Variants in LTBP1 observed in about 807,000 individuals in gnomAD.
The protein encoded by LTBP1 is latent transforming growth factor beta binding protein 1.
Under a neutral mutation model 207.6 loss-of-function variants are expected in LTBP1, and 129 were observed. That is an observed-to-expected ratio of 0.62 (90% CI 0.54 to 0.72). LTBP1 has a LOEUF of 0.72. LTBP1 is among the 30% of genes least tolerant of loss of function. The probability of loss-of-function intolerance (pLI) is 0.00; values close to 1 mark genes in which losing one functional copy is unlikely to be tolerated. For missense variants in LTBP1, 2,281 were observed against 2,217.2 expected, an observed-to-expected ratio of 1.03 and a Z score of -0.58; for synonymous variants, 963 against 833.7, an observed-to-expected ratio of 1.16 and a Z score of -2.67.
chr2:33,018,150 A>G (rs1056431425), intron 2 of LTBP1, among the ~76,000 whole-genome samples: 16 of 149,698 alleles, frequency 1.1e-4, no homozygotes, highest in Non-Finnish European at 1.8e-4. Context: ...TGTAAGTTCA[A>G]AGTTTTTTTT....
chr2:33,171,967 T>C (rs2085500585), intron 5 of LTBP1, among the ~76,000 whole-genome samples: 2 of 152,166 alleles, frequency 1.3e-5, no homozygotes, highest in South Asian at 4.1e-4. Context: ...TGAGAGATTT[T>C]GTCACCACCA....
chr2:33,296,212 T>C (rs1282623553), intron 20 of LTBP1, among the ~76,000 whole-genome samples: 1 of 152,162 alleles, frequency 6.6e-6, no homozygotes, highest in Admixed American at 6.5e-5. Flanking sequence ...TTTTATCTTC[T>C]TTCATCCTAA....
At chr2:33,149,637 G>T (rs1376320425) in intron 5 of LTBP1, among the ~76,000 whole-genome samples, 1 of 152,186 alleles carries the variant, frequency 6.6e-6, no homozygotes, top group African/African-American at 2.4e-5. Flanking sequence ...AGGGTGCAAG[G>T]ATTGAGATGG....
intron 2 of LTBP1, among the ~76,000 whole-genome samples, chr2:32,993,088 G>T (rs1684672794): frequency 6.6e-6 from 1 of 152,146 alleles, no homozygotes; most frequent in Non-Finnish European, 1.5e-5. Flanking sequence ...GCTGGCAGCG[G>T]GGGGATGCTG....
intron 15 of LTBP1, among the ~76,000 whole-genome samples, chr2:33,266,068 C>A (rs374025925): frequency 1.2e-4 from 18 of 152,338 alleles, no homozygotes; most frequent in Middle Eastern, 3.4e-3. Context: ...TCCCTGCACT[C>A]TAAGGGGCTG....
chr2:33,240,857 A>G (rs901654940), intron 9 of LTBP1, among the ~76,000 whole-genome samples: 9 of 151,838 alleles, frequency 5.9e-5, no homozygotes, highest in Admixed American at 2.6e-4. Context: ...TCACTGTGTT[A>G]GCCAGGATGG....
intron 24 of LTBP1, among the ~76,000 whole-genome samples, chr2:33,328,325 C>G (rs759138152): frequency 6.6e-5 from 10 of 152,126 alleles, no homozygotes; most frequent in Non-Finnish European, 1.2e-4. Flanking sequence ...ATACATAGCA[C>G]TTACCACTAT....
chr2:33,372,149 T>C (rs2095076338), intron 31 of LTBP1, among the ~76,000 whole-genome samples: 1 of 152,208 alleles, frequency 6.6e-6, no homozygotes, highest in South Asian at 2.1e-4. Flanking sequence ...AAGCTTAAGA[T>C]GCCTGTCAGT....
intron 31 of LTBP1, among the ~76,000 whole-genome samples, chr2:33,376,173 T>C (rs980298611): frequency 3.3e-5 from 5 of 152,178 alleles, no homozygotes; most frequent in African/African-American, 1.2e-4. Flanking sequence ...CAAATTGAAT[T>C]CCCTAATAAA....
chr2:33,390,191 G>A (rs2095303404), intron 32 of LTBP1, among the ~76,000 whole-genome samples: 1 of 152,178 alleles, frequency 6.6e-6, no homozygotes. Flanking sequence ...AAGAAATAAT[G>A]TGTGCCAACT....
At position 33,056,809 on chromosome 2, in the gene LTBP1, G is replaced by A. The variant is rs562021180; in HGVS notation, c.863+35603G>A. On this transcript the variant is annotated intron_variant, in intron 3 of 33. Transcript: ENST00000404816. ...AGAGCAAAAGAACAAAGCTTCCACA[G>A]TGTGGAAGGGGACCCGGACGGGTTG... Among the ~76,000 whole-genome samples the A allele has an allele frequency of 1.2e-3, 189 of 152,114 alleles. 1 individual carries two copies. The highest frequency in any genetic ancestry group is 6.8e-3 in the Middle Eastern group (2 of 294).
chr2:33,176,819 A>G (rs559126854), intron 5 of LTBP1, among the ~76,000 whole-genome samples: 85 of 152,266 alleles, frequency 5.6e-4, no homozygotes, highest in Non-Finnish European at 9.7e-4. Context: ...CACCTTGCAC[A>G]TCCCTTTTGT....
intron 22 of LTBP1, among the ~76,000 whole-genome samples, chr2:33,304,961 A>C (rs887071200): frequency 6.6e-6 from 1 of 152,198 alleles, no homozygotes; most frequent in East Asian, 1.9e-4. Context: ...AGGGCAATAA[A>C]CCAAACAGAA....
intron 3 of LTBP1, among the ~76,000 whole-genome samples, chr2:33,062,624 A>G (rs1412869105): frequency 1.3e-5 from 2 of 152,124 alleles, no homozygotes; most frequent in Non-Finnish European, 2.9e-5. Flanking sequence ...ATGTGAGTCT[A>G]TTTGGGAGTT....
Position 33,278,201 on chromosome 2 carries a change from G to A in LTBP1, c.2993-1838G>A, listed in dbSNP as rs187118652. ...GATAAGATACTTAAGTAATAGGATG[G>A]AAAGGAATAGAAAATAAATTGGAAA... is the stretch of plus-strand genomic sequence containing the variant. On this transcript the variant is annotated intron_variant, in intron 18 of 33. Transcript: ENST00000404816. Among the ~76,000 whole-genome samples the A allele has an allele frequency of 1.9e-3, 285 of 152,208 alleles. 1 individual carries two copies. Among genetic ancestry groups the A allele is most frequent in the African/African-American group, 6.5e-3 (271 of 41,534 alleles).
At chr2:33,166,891 C>T (rs2084965914) in intron 5 of LTBP1, among the ~76,000 whole-genome samples, 1 of 152,166 alleles carries the variant, frequency 6.6e-6, no homozygotes, top group South Asian at 2.1e-4. Flanking sequence ...TGATTTTAAG[C>T]AGTGTGCAGT....
At position 32,972,531 on chromosome 2, in the gene LTBP1, A is replaced by G. The variant is rs368994958; in HGVS notation, c.565+23586A>G. On this transcript the variant is annotated intron_variant, in intron 2 of 33. Coordinates refer to ENST00000404816, the MANE Select transcript of LTBP1 (RefSeq NM_206943.4). The stretch of plus-strand genomic sequence containing the variant: ...TTCTGACTTAATTTCATGTTTATCC[A>G]GAAGTCATTCAGGAGCAGGTTATTT... 5.9e-5 allele frequency among the ~76,000 whole-genome samples: 9 copies of G among 152,274 alleles called. No individual in the cohort carries two copies. In the East Asian group the frequency reaches 1.3e-3, roughly 23 times the overall value.
At chr2:33,094,137 T>A (rs187824976) in intron 3 of LTBP1, among the ~76,000 whole-genome samples, 220 of 152,286 alleles carry the variant, frequency 1.4e-3, no homozygotes, top group African/African-American at 4.7e-3. Context: ...ACAATTTTTT[T>A]ATTAATAGTT....
In LTBP1 at chr2:33,255,369, C is replaced by T. The variant is rs538237183; in HGVS notation, c.2168-1915C>T. On this transcript the variant is annotated intron_variant, in intron 11 of 33. Coordinates refer to ENST00000404816, the MANE Select transcript of LTBP1 (RefSeq NM_206943.4). ...GAGGATGTGGAGAAATAGGAACACT[C>T]TTACACTGTTGGTGGGACTGTAAAC... 9.8e-3 allele frequency among the ~76,000 whole-genome samples: 1,468 copies of T among 150,542 alleles called. 23 individuals are homozygous for T. The highest frequency in any genetic ancestry group is 0.033 in the African/African-American group (1,364 of 40,796).
Sources: allele counts gnomAD v4.1 joint callset (sites outside exome capture counted in the v4.1 genomes callset), GRCh38; gene constraint gnomAD v4.1.1; transcripts MANE v1.5; gene names NCBI Gene and HGNC (gene_info 2026-07-23, HGNC 2026-07-21).